Variants in GCFC2 observed in about 807,000 individuals in gnomAD.
GCFC2 encodes GC-rich sequence DNA-binding factor 2, also known as intron Large complex component GCFC2.
GCFC2 carries 102 observed loss-of-function variants against 99.4 expected under a neutral mutation model. The observed-to-expected ratio is 1.03, with a 90% confidence interval of 0.87 to 1.21. The LOEUF (loss-of-function observed/expected upper bound fraction) is 1.21. Among genes scored for constraint, GCFC2 ranks in the 50% most tolerant of loss-of-function variants. The probability of loss-of-function intolerance (pLI) is 0.00; values close to 1 mark genes in which losing one functional copy is unlikely to be tolerated. For missense variants in GCFC2, 973 were observed against 920.9 expected, an observed-to-expected ratio of 1.06 and a Z score of -0.73; for synonymous variants, 338 against 316.8, an observed-to-expected ratio of 1.07 and a Z score of -0.71.
At chr2:75,666,579 G>C (rs930444600) in intron 15 of GCFC2, among the ~76,000 whole-genome samples, 3 of 152,122 alleles carry the variant, frequency 2.0e-5, no homozygotes, top group Admixed American at 6.5e-5. Flanking sequence ...GCAGCAGAAT[G>C]AATCAATGTA....
chr2:75,675,409 C>G (rs928521380), intron 12 of GCFC2, among the ~76,000 whole-genome samples: 8 of 152,102 alleles, frequency 5.3e-5, no homozygotes, highest in Admixed American at 1.3e-4. Context: ...AGTTTTCTTT[C>G]AAAGTATTAA....
At chr2:75,711,971 C>T (rs1039428143), upstream of GCFC2, among the ~76,000 whole-genome samples, 3 of 152,272 alleles carry the variant, frequency 2.0e-5, no homozygotes, top group African/African-American at 7.2e-5. Flanking sequence ...CGCACGGCGC[C>T]GGACTGGCAG....
chr2:75,706,420 C>A, intron 2 of GCFC2, 103 bp downstream of exon 2: 2 of 703,516 alleles, frequency 2.8e-6, no homozygotes, highest in South Asian at 2.1e-5. Context: ...CATTAATGAC[C>A]TACTTGCCCC....
At position 75,689,135 on chromosome 2, in the gene GCFC2, C is replaced by T; in HGVS notation, c.1430G>A (p.Trp477Ter). 6.3e-7 allele frequency: 1 copy of T among 1,598,992 alleles called. No homozygotes were observed. The highest frequency in any genetic ancestry group is 1.3e-5 in the African/African-American group (1 of 74,588). ...ATAGGAGTCAGGAAACTTTTCTCGC[C>T]ATTGCTGAAATTTCAACAAAATATT... ...IQNILLKFQQ[W>*]REKFPDSYYE... is the part of the protein sequence containing the mutation. Residue 477 changes from tryptophan to a stop codon, truncating the protein, a stop_gained, in exon 10 of 17, where the codon TGG (tryptophan) becomes TAG (stop). Coordinates refer to ENST00000321027, the MANE Select transcript of GCFC2 (RefSeq NM_003203.5). LOFTEE classifies it high-confidence loss of function.
intron 12 of GCFC2, among the ~76,000 whole-genome samples, chr2:75,678,004 G>C (rs1679424542): frequency 6.6e-6 from 1 of 151,634 alleles, no homozygotes; most frequent in African/African-American, 2.4e-5. Context: ...CTTCATGAGT[G>C]AATCCATAAT....
chr2:75,677,582 C>G (rs1192469367), intron 12 of GCFC2, among the ~76,000 whole-genome samples: 2 of 152,206 alleles, frequency 1.3e-5, no homozygotes, highest in Admixed American at 1.3e-4. Flanking sequence ...TTATCTGTTC[C>G]AAATGCCAAT....
chr2:75,708,018 GA>G (rs1200539507), intron 1 of GCFC2, among the ~76,000 whole-genome samples: 1 of 152,140 alleles, frequency 6.6e-6, no homozygotes, highest in Non-Finnish European at 1.5e-5. Context: ...GCTGCATCTT[GA>G]AATGCAATGG....
At chr2:75,686,265 A>T (rs542601751) in intron 11 of GCFC2, among the ~76,000 whole-genome samples, 124 of 152,110 alleles carry the variant, frequency 8.2e-4, no homozygotes, top group Non-Finnish European at 1.1e-3. Context: ...TATTTTTTTT[A>T]AATTTTAAAT....
At chr2:75,699,434 T>C (rs1680474817) in intron 4 of GCFC2, among the ~76,000 whole-genome samples, 1 of 152,224 alleles carries the variant, frequency 6.6e-6, no homozygotes, top group Non-Finnish European at 1.5e-5. Flanking sequence ...TGATGTACAC[T>C]ATGATTGCAA....
chr2:75,699,686 C>T (rs1680489808), intron 4 of GCFC2, among the ~76,000 whole-genome samples: 3 of 152,072 alleles, frequency 2.0e-5, no homozygotes, highest in Non-Finnish European at 4.4e-5. Flanking sequence ...AGTGATCCTC[C>T]CAGCTCAGCC....
At position 75,689,199 on chromosome 2, in the gene GCFC2, CTTTCT is replaced by C; in HGVS notation, c.1361_1365del (p.Lys454SerfsTer3). 6.3e-7 allele frequency: 1 copy of C among 1,598,104 alleles called. No individual in the cohort carries two copies. The highest frequency in any genetic ancestry group is 8.6e-7 in the Non-Finnish European group (1 of 1,169,084). ...AAATCATCTTGCACTTCTTCAAAAA[CTTTCT>C]TCTGTTTCTGTAAAATGTCACCTGT... On this transcript the variant is annotated frameshift_variant, in exon 10 of 17. Coordinates refer to ENST00000321027, the MANE Select transcript of GCFC2 (RefSeq NM_003203.5). LOFTEE classifies it high-confidence loss of function.
intron 15 of GCFC2, among the ~76,000 whole-genome samples, chr2:75,669,575 T>C (rs999978275): frequency 1.3e-5 from 2 of 152,184 alleles, no homozygotes; most frequent in Non-Finnish European, 2.9e-5. Flanking sequence ...TGGTGTATAG[T>C]GAGAGGTGAG....
At chr2:75,711,045 T>G, upstream of GCFC2, 1 of 1,332,202 alleles carries the variant, frequency 7.5e-7, no homozygotes, top group Non-Finnish European at 9.5e-7. Context: ...GTAGGCCGAG[T>G]TCTGTTCTGG....
intron 12 of GCFC2, among the ~76,000 whole-genome samples, chr2:75,676,378 G>C (rs537700075): frequency 1.3e-5 from 2 of 151,868 alleles, no homozygotes; most frequent in Non-Finnish European, 2.9e-5. Context: ...TCCACTCCTT[G>C]GTCTTGGTTT....
chr2:75,703,686 C>A lies in GCFC2; in HGVS notation c.395-1263G>T, dbSNP rs186863458. Reference sequence around the variant, plus strand: ...AAACCATCACAGCAGGTTATAGTAGCAATTCTCGACCCTGGCTACACATCA... The same window carrying A: ...AAACCATCACAGCAGGTTATAGTAGAAATTCTCGACCCTGGCTACACATCA... On this transcript the variant is annotated intron_variant, in intron 2 of 16. Transcript: ENST00000321027. Among the ~76,000 whole-genome samples the A allele has an allele frequency of 1.2e-3, 186 of 152,268 alleles. 1 individual carries two copies. Among genetic ancestry groups the A allele is most frequent in the Middle Eastern group, 0.01 (3 of 294 alleles).
Position 75,690,082 on chromosome 2 carries a change from C to T in GCFC2, c.1227-1G>A. 2 of 1,568,510 alleles carry T rather than the reference C, an allele frequency of 1.3e-6. No homozygotes were observed. Among genetic ancestry groups the T allele is most frequent in the South Asian group, 2.3e-5 (2 of 86,556 alleles). ...CACCCTTGCTTGTCTTCTTTTTGTC[C>T]TATATTTTGCAACAAACCAAAAATA... is the stretch of plus-strand genomic sequence containing the variant. On this transcript the variant is annotated splice_acceptor_variant, in intron 8 of 16. Coordinates refer to ENST00000321027, the MANE Select transcript of GCFC2 (RefSeq NM_003203.5). LOFTEE classifies it high-confidence loss of function.
At chr2:75,683,435 C>T (rs1481359361) in intron 11 of GCFC2, among the ~76,000 whole-genome samples, 3 of 151,802 alleles carry the variant, frequency 2.0e-5, no homozygotes, top group Admixed American at 2.0e-4. Flanking sequence ...ACAAGAGCTC[C>T]TGAAGGAAGC....
chr2:75,704,366 A>ATT (rs899516736), intron 2 of GCFC2, among the ~76,000 whole-genome samples: 10 of 152,288 alleles, frequency 6.6e-5, no homozygotes, highest in African/African-American at 2.4e-4. Context: ...AAATTAACAC[A>ATT]TTCCTCCATC....
intron 11 of GCFC2, among the ~76,000 whole-genome samples, chr2:75,686,117 A>AT (rs1679803371): frequency 6.6e-6 from 1 of 152,092 alleles, no homozygotes. Flanking sequence ...TAGTATTTAG[A>AT]TTTTTTCAGC....
Sources: allele counts gnomAD v4.1 joint callset (sites outside exome capture counted in the v4.1 genomes callset), GRCh38; gene constraint gnomAD v4.1.1; transcripts MANE v1.5; gene names NCBI Gene and HGNC (gene_info 2026-07-23, HGNC 2026-07-21).